Variants in NMNAT2 observed in about 807,000 individuals in gnomAD.
NMNAT2 encodes the protein nicotinamide nucleotide adenylyltransferase 2, also known as nicotinamide/nicotinic acid mononucleotide adenylyltransferase 2.
A neutral mutation model predicts 41.6 loss-of-function variants in NMNAT2; 11 were observed. That is an observed-to-expected ratio of 0.26 (90% CI 0.17 to 0.44). The LOEUF (loss-of-function observed/expected upper bound fraction) is 0.44. Ranked by LOEUF, NMNAT2 falls within the 20% of genes least tolerant of loss-of-function variation. NMNAT2 has a pLI of 1.00. For missense variants in NMNAT2, 288 were observed against 407.7 expected, an observed-to-expected ratio of 0.71 and a Z score of 2.53; for synonymous variants, 148 against 151.2, an observed-to-expected ratio of 0.98 and a Z score of 0.16.
chr1:183,272,514 T>G (rs1661011072), intron 8 of NMNAT2, among the ~76,000 whole-genome samples: 1 of 152,204 alleles, frequency 6.6e-6, no homozygotes, highest in Non-Finnish European at 1.5e-5. Flanking sequence ...GGGTCAGAAT[T>G]TGCTGTGGGC....
chr1:183,323,705 T>G (rs930007669), intron 1 of NMNAT2, among the ~76,000 whole-genome samples: 2 of 152,326 alleles, frequency 1.3e-5, no homozygotes, highest in East Asian at 1.9e-4. Flanking sequence ...GATGTGGATC[T>G]GAGATACTAT....
chr1:183,274,120 C>G (rs1661064330), intron 8 of NMNAT2, among the ~76,000 whole-genome samples: 2 of 151,586 alleles, frequency 1.3e-5, no homozygotes, highest in Admixed American at 6.6e-5. Flanking sequence ...ACCATGTTGG[C>G]CAGGCTTGTC....
chr1:183,406,911 T>C (rs1436547833), intron 1 of NMNAT2, among the ~76,000 whole-genome samples: 1 of 145,580 alleles, frequency 6.9e-6, no homozygotes, highest in Non-Finnish European at 1.5e-5. Context: ...CTCCACTTCC[T>C]GGGTTCAAGC....
At chr1:183,288,155 C>T (rs543972276) in intron 4 of NMNAT2, among the ~76,000 whole-genome samples, 1 of 152,318 alleles carries the variant, frequency 6.6e-6, no homozygotes, top group African/African-American at 2.4e-5. Flanking sequence ...CTTCCTCTTG[C>T]TGCACTGTGG....
At chr1:183,391,308 C>T (rs1217547511) in intron 1 of NMNAT2, among the ~76,000 whole-genome samples, 1 of 152,168 alleles carries the variant, frequency 6.6e-6, no homozygotes, top group Non-Finnish European at 1.5e-5. Context: ...ACCTACCTGT[C>T]TGTAACTCTG....
chr1:183,326,417 CTATT>C (rs1183420779), intron 1 of NMNAT2, among the ~76,000 whole-genome samples: 2 of 139,872 alleles, frequency 1.4e-5, no homozygotes, highest in African/African-American at 5.3e-5. Flanking sequence ...GGGAAGAGAA[CTATT>C]TAGATATGGT....
chr1:183,270,621 G>T (rs548080732), intron 8 of NMNAT2, among the ~76,000 whole-genome samples: 1 of 152,200 alleles, frequency 6.6e-6, no homozygotes, highest in South Asian at 2.1e-4. Context: ...CTGGGGGTGT[G>T]GGAAGGCAGG....
chr1:183,334,833 G>A (rs1442230291), intron 1 of NMNAT2, among the ~76,000 whole-genome samples: 6 of 152,256 alleles, frequency 3.9e-5, no homozygotes, highest in Non-Finnish European at 7.4e-5. Flanking sequence ...TCTTCAGGTC[G>A]TGACCCAAAC....
At chr1:183,326,470 T>C (rs1444536257) in intron 1 of NMNAT2, among the ~76,000 whole-genome samples, 1 of 151,556 alleles carries the variant, frequency 6.6e-6, no homozygotes, top group Non-Finnish European at 1.5e-5. Flanking sequence ...AATAATTTCA[T>C]TTTGAGGCAT....
chr1:183,314,474 A>C (rs1662197055), intron 1 of NMNAT2, among the ~76,000 whole-genome samples: 1 of 152,178 alleles, frequency 6.6e-6, no homozygotes, highest in Non-Finnish European at 1.5e-5. Flanking sequence ...CCTGTGCTTT[A>C]TTCTTCTTTG....
intron 8 of NMNAT2, among the ~76,000 whole-genome samples, chr1:183,269,880 T>C (rs1660937570): frequency 6.6e-6 from 1 of 152,166 alleles, no homozygotes; most frequent in Non-Finnish European, 1.5e-5. Flanking sequence ...TTGTAGTGAC[T>C]TGAAACTTTT....
intron 10 of NMNAT2, 27 bp downstream of exon 10, chr1:183,260,975 G>T (rs1660642878): frequency 6.3e-7 from 1 of 1,580,896 alleles, no homozygotes. Context: ...TTTGACTAAA[G>T]TCTCTCTGGC....
At chr1:183,403,918 G>T (rs542076301) in intron 1 of NMNAT2, among the ~76,000 whole-genome samples, 2 of 152,198 alleles carry the variant, frequency 1.3e-5, no homozygotes, top group Non-Finnish European at 2.9e-5. Context: ...TATTACAGGG[G>T]ACAACCTTGT....
intron 1 of NMNAT2, among the ~76,000 whole-genome samples, chr1:183,392,149 C>G (rs566108140): frequency 2.0e-5 from 3 of 152,214 alleles, no homozygotes; most frequent in African/African-American, 7.2e-5. Context: ...TCTAATCATC[C>G]TTTCAGAAGC....
chr1:183,286,859 T>C, intron 4 of NMNAT2, 71 bp from the exon 5 acceptor site: 1 of 1,520,322 alleles, frequency 6.6e-7, no homozygotes. Flanking sequence ...CTCCAAGTGG[T>C]CATCTGCTTG....
intron 3 of NMNAT2, among the ~76,000 whole-genome samples, chr1:183,292,225 G>A (rs891977190): frequency 9.8e-5 from 15 of 152,354 alleles, no homozygotes; most frequent in African/African-American, 3.4e-4. Flanking sequence ...CAAGCTCAGC[G>A]GAGGTGGGTG....
intron 8 of NMNAT2, among the ~76,000 whole-genome samples, chr1:183,264,753 A>T (rs914919392): frequency 2.0e-5 from 3 of 152,074 alleles, no homozygotes; most frequent in Admixed American, 1.3e-4. Context: ...CCTCAGTCCA[A>T]CGAGTACCCA....
At chr1:183,322,017 G>A (rs1414063947) in intron 1 of NMNAT2, among the ~76,000 whole-genome samples, 1 of 151,816 alleles carries the variant, frequency 6.6e-6, no homozygotes, top group East Asian at 1.9e-4. Context: ...TAGAGACAGG[G>A]TCTCACTTTG....
At chr1:183,378,548 T>A (rs561973095) in intron 1 of NMNAT2, among the ~76,000 whole-genome samples, 4 of 151,530 alleles carry the variant, frequency 2.6e-5, no homozygotes, top group South Asian at 4.2e-4. Context: ...AGAGTGAGAC[T>A]GTCTAAAAAT....
Sources: gnomAD v4.1 joint callset for allele counts (sites outside exome capture counted in the v4.1 genomes callset) on GRCh38, gnomAD v4.1.1 for gene constraint, MANE v1.5 for transcripts, NCBI Gene and HGNC (gene_info 2026-07-23, HGNC 2026-07-21) for gene names.